PLEKHG1: variants seen among roughly 807,000 people sequenced by gnomAD.
PLEKHG1 encodes the protein pleckstrin homology and RhoGEF domain containing G1.
In PLEKHG1, 44 loss-of-function variants were observed where a neutral mutation model predicts 100.8. That is an observed-to-expected ratio of 0.44 (90% CI 0.34 to 0.56). The LOEUF (loss-of-function observed/expected upper bound fraction) is 0.56. Among genes scored for constraint, PLEKHG1 ranks in the 20% least tolerant of loss-of-function variants. The pLI is 0.01. For synonymous variants in PLEKHG1, 640 were observed against 662.5 expected (o/e 0.97, Z 0.52); for missense variants, 1,545 against 1,720.9 (o/e 0.90, Z 1.81).
chr6:150,608,235 G>A (rs897919154), intron 1 of PLEKHG1, among the ~76,000 whole-genome samples: 33 of 152,040 alleles, frequency 2.2e-4, no homozygotes, highest in African/African-American at 7.5e-4. Context: ...TTTCTTTTTA[G>A]AACTTATCTG....
chr6:150,765,823 A>G (rs559046670), intron 2 of PLEKHG1, among the ~76,000 whole-genome samples: 56 of 152,354 alleles, frequency 3.7e-4, no homozygotes, highest in Non-Finnish European at 6.3e-4. Context: ...CAAATTTATT[A>G]TTAGATTGAT....
rs1257133285 is a variant in PLEKHG1 at position 150,812,556 on chromosome 6, A to G, written c.1278+2822A>G. 2.6e-5 allele frequency among the ~76,000 whole-genome samples: 4 copies of G among 152,230 alleles called. No homozygotes were observed. In the East Asian group the frequency reaches 7.7e-4, roughly 29 times the overall value. On this transcript the variant is annotated intron_variant, in intron 10 of 15. Coordinates refer to ENST00000358517, the Ensembl canonical transcript of PLEKHG1. The stretch of plus-strand genomic sequence containing the variant: ...GCAACTAAGAGAAAAGGGAGAGATC[A>G]CAGTGGGTTGCAGAAAAAGGGGGAT...
At chr6:150,707,819 G>A (rs1324410309) in intron 3 of PLEKHG1, among the ~76,000 whole-genome samples, 1 of 152,126 alleles carries the variant, frequency 6.6e-6, no homozygotes, top group Non-Finnish European at 1.5e-5. Flanking sequence ...GTGGGTACAG[G>A]TAAAGTCACT....
chr6:150,798,464 C>A (rs1036808406), intron 5 of PLEKHG1, among the ~76,000 whole-genome samples: 1 of 152,156 alleles, frequency 6.6e-6, no homozygotes, highest in Non-Finnish European at 1.5e-5. Flanking sequence ...CTTTATATGG[C>A]AGGCTGCTTC....
intron 2 of PLEKHG1, among the ~76,000 whole-genome samples, chr6:150,759,211 C>A (rs1231779537): frequency 6.6e-6 from 1 of 152,154 alleles, no homozygotes; most frequent in Admixed American, 6.6e-5. Flanking sequence ...TGGTTGAAAG[C>A]TGGTGTGCTT....
intron 3 of PLEKHG1, among the ~76,000 whole-genome samples, chr6:150,684,654 A>G (rs1481770258): frequency 6.6e-6 from 1 of 152,084 alleles, no homozygotes; most frequent in Non-Finnish European, 1.5e-5. Context: ...GTAATGATCG[A>G]GGCCTCCAAG....
chr6:150,735,501 C>T (rs1324407571), intron 2 of PLEKHG1, among the ~76,000 whole-genome samples: 3 of 152,228 alleles, frequency 2.0e-5, no homozygotes, highest in East Asian at 1.9e-4. Context: ...ACGTGTGATC[C>T]GCAAATGATA....
intron 1 of PLEKHG1, among the ~76,000 whole-genome samples, chr6:150,622,108 G>GT (rs1777324521): frequency 6.6e-6 from 1 of 152,050 alleles, no homozygotes; most frequent in African/African-American, 2.4e-5. Context: ...CCAACACTTT[G>GT]TGTTATATCA....
At chr6:150,835,549 C>G (rs76653901) in intron 15 of PLEKHG1, among the ~76,000 whole-genome samples, 2 of 152,096 alleles carry the variant, frequency 1.3e-5, no homozygotes, top group Non-Finnish European at 2.9e-5. Context: ...GACATTCTTG[C>G]GATTGTCATG....
chr6:150,842,450 A>C (rs1006452298), exon 16 of PLEKHG1: 1 of 152,230 alleles, frequency 6.6e-6, no homozygotes, highest in African/African-American at 2.4e-5. Context: ...CTTTTTCTTA[A>C]CTGTAAAACA....
intron 1 of PLEKHG1, among the ~76,000 whole-genome samples, chr6:150,622,064 C>T (rs1187177312): frequency 6.6e-6 from 1 of 152,196 alleles, no homozygotes; most frequent in Non-Finnish European, 1.5e-5. Context: ...TCCGAGAGCT[C>T]TGTCCACACC....
At chr6:150,665,744 G>T (rs1428671895) in intron 3 of PLEKHG1, among the ~76,000 whole-genome samples, 1 of 151,722 alleles carries the variant, frequency 6.6e-6, no homozygotes, top group Non-Finnish European at 1.5e-5. Flanking sequence ...TTGGGGAAAT[G>T]CTCTGGTTTC....
chr6:150,725,819 T>C (rs1476970538), intron 1 of PLEKHG1, among the ~76,000 whole-genome samples: 2 of 152,040 alleles, frequency 1.3e-5, no homozygotes, highest in Non-Finnish European at 2.9e-5. Flanking sequence ...TAGGTCTTAA[T>C]GTATTTTGAG....
chr6:150,678,706 G>A (rs1293512108), intron 3 of PLEKHG1, among the ~76,000 whole-genome samples: 1 of 152,194 alleles, frequency 6.6e-6, no homozygotes, highest in East Asian at 1.9e-4. Context: ...ATTTTATAGT[G>A]TTCACATTTC....
chr6:150,693,868 G>A (rs1013216652), intron 3 of PLEKHG1, among the ~76,000 whole-genome samples: 1 of 152,242 alleles, frequency 6.6e-6, no homozygotes, highest in East Asian at 1.9e-4. Context: ...TGACTACCTC[G>A]AGAGGCAGAG....
chr6:150,753,864 G>A (rs995820557), intron 2 of PLEKHG1, among the ~76,000 whole-genome samples: 13 of 152,196 alleles, frequency 8.5e-5, no homozygotes, highest in Non-Finnish European at 1.5e-4. Flanking sequence ...TACAGCCCTC[G>A]CCTCTTAGCT....
chr6:150,764,117 C>CTTTT (rs67507838), intron 2 of PLEKHG1, among the ~76,000 whole-genome samples: 1,575 of 145,722 alleles, frequency 0.011, 27 homozygotes, highest in Non-Finnish European at 0.016. Flanking sequence ...TTTTCTTTTT[C>CTTTT]TTTTTCTTTT....
chr6:150,700,717 C>T (rs865866840), intron 3 of PLEKHG1, among the ~76,000 whole-genome samples: 20 of 152,196 alleles, frequency 1.3e-4, no homozygotes, highest in Admixed American at 7.2e-4. Context: ...TAGCATTGCA[C>T]ATCCAAGCCA....
intron 3 of PLEKHG1, among the ~76,000 whole-genome samples, chr6:150,659,351 TCTCTGCTC>T (rs1779094131): frequency 6.6e-6 from 1 of 152,194 alleles, no homozygotes; most frequent in Admixed American, 6.5e-5. Flanking sequence ...ACCAGAACTC[TCTCTGCTC>T]CTTGGATTGG....
Sources: allele counts gnomAD v4.1 joint callset (sites outside exome capture counted in the v4.1 genomes callset), GRCh38; gene constraint gnomAD v4.1.1; transcripts MANE v1.5; gene names NCBI Gene and HGNC (gene_info 2026-07-23, HGNC 2026-07-21).